The following SYT14 variants were observed in gnomAD, a reference collection of about 807,000 sequenced individuals.
SYT14 encodes the protein synaptotagmin-14.
A neutral mutation model predicts 74.2 loss-of-function variants in SYT14; 32 were observed. The ratio of observed to expected loss-of-function variants is 0.43; its 90% CI spans 0.33 to 0.58. SYT14 has a LOEUF of 0.58. SYT14 is among the 20% of genes least tolerant of loss of function. The pLI is 0.05. For synonymous variants in SYT14, 298 were observed against 337.7 expected, an observed-to-expected ratio of 0.88 and a Z score of 1.29; for missense variants, 791 against 981.8, an observed-to-expected ratio of 0.81 and a Z score of 2.60.
chr1:210,050,479 G>C (rs2080972262), intron 5 of SYT14, among the ~76,000 whole-genome samples: 2 of 152,232 alleles, frequency 1.3e-5, no homozygotes, highest in South Asian at 4.1e-4. Flanking sequence ...ACCTTTGCCT[G>C]TTACCCAGTT....
intron 5 of SYT14, among the ~76,000 whole-genome samples, chr1:210,078,076 C>G (rs536802470): frequency 2.6e-5 from 4 of 151,816 alleles, no homozygotes; most frequent in Admixed American, 6.5e-5. Context: ...TTTGGGAGGC[C>G]GAGGCGGGCG....
intron 6 of SYT14, among the ~76,000 whole-genome samples, chr1:210,095,716 TAG>T (rs2081956700): frequency 6.6e-6 from 1 of 152,228 alleles, no homozygotes; most frequent in Non-Finnish European, 1.5e-5. Flanking sequence ...AAGCTATGGA[TAG>T]AATTTCCTTA....
intron 2 of SYT14, among the ~76,000 whole-genome samples, chr1:210,000,466 G>GCACACGCACACACACACA (rs2079875022): frequency 1.4e-5 from 2 of 143,102 alleles, no homozygotes; most frequent in African/African-American, 5.3e-5. Flanking sequence ...GTCCTCATAC[G>GCACACGCACACACACACA]CACACACACA....
intron 5 of SYT14, among the ~76,000 whole-genome samples, chr1:210,029,179 T>G (rs904353715): frequency 6.6e-6 from 1 of 152,222 alleles, no homozygotes; most frequent in Non-Finnish European, 1.5e-5. Context: ...TAATCTCTTA[T>G]CAGATATATG....
chr1:210,116,964 G>A (rs1344418193), intron 7 of SYT14, among the ~76,000 whole-genome samples: 1 of 152,104 alleles, frequency 6.6e-6, no homozygotes, highest in Admixed American at 6.5e-5. Flanking sequence ...AACCTGGAAT[G>A]CAATAAGCAT....
intron 7 of SYT14, among the ~76,000 whole-genome samples, chr1:210,131,218 GT>G (rs1191377176): frequency 6.6e-6 from 1 of 152,092 alleles, no homozygotes; most frequent in African/African-American, 2.4e-5. Context: ...CATCACCGCT[GT>G]GACTGTCACC....
chr1:210,046,505 G>T (rs2080887911), intron 5 of SYT14, among the ~76,000 whole-genome samples: 1 of 151,994 alleles, frequency 6.6e-6, no homozygotes, highest in Admixed American at 6.5e-5. Flanking sequence ...ATTCAGATCT[G>T]CCATGCCTAT....
At chr1:210,057,511 C>T (rs1168292991) in intron 5 of SYT14, among the ~76,000 whole-genome samples, 1 of 152,166 alleles carries the variant, frequency 6.6e-6, no homozygotes, top group Non-Finnish European at 1.5e-5. Context: ...TGTACAGTAA[C>T]TTGTTTCACT....
At chr1:209,938,219 C>G (rs754027985) in exon 1 of SYT14, 2 of 1,515,692 alleles carry the variant, frequency 1.3e-6, no homozygotes, top group Non-Finnish European at 1.8e-6. Context: ...GCCCTCGCGT[C>G]TGCTGCCCCC....
chr1:209,978,475 G>A (rs1572101507), intron 2 of SYT14, among the ~76,000 whole-genome samples: 1 of 152,112 alleles, frequency 6.6e-6, no homozygotes, highest in African/African-American at 2.4e-5. Flanking sequence ...GTCCACTCCA[G>A]ACCCTGTTTG....
At chr1:210,012,097 A>G (rs2080095560) in intron 2 of SYT14, among the ~76,000 whole-genome samples, 1 of 152,160 alleles carries the variant, frequency 6.6e-6, no homozygotes, top group Non-Finnish European at 1.5e-5. Flanking sequence ...CTGGAATATA[A>G]TGTGATTTTC....
chr1:210,118,403 T>C (rs937967904), intron 7 of SYT14, among the ~76,000 whole-genome samples: 2 of 152,102 alleles, frequency 1.3e-5, no homozygotes, highest in Admixed American at 1.3e-4. Flanking sequence ...TATGAAATTA[T>C]ATATATTTAA....
chr1:210,036,627 G>T (rs1421017455), intron 5 of SYT14, among the ~76,000 whole-genome samples: 2 of 151,938 alleles, frequency 1.3e-5, no homozygotes, highest in Non-Finnish European at 2.9e-5. Context: ...TTTGTTGAGA[G>T]ATTTTATCAT....
rs556297967 is a variant in SYT14 at position 210,066,782 on chromosome 1, G to C, written c.1313-27540G>C. On this transcript the variant is annotated intron_variant, in intron 5 of 9. Coordinates refer to ENST00000637265, the Ensembl canonical transcript of SYT14. ...TTGTAGGTATGTCTTTATTAGCAGCGTGAGAACGGACTAATACAGTGCTCA... is the reference window on the plus strand; with the variant it reads ...TTGTAGGTATGTCTTTATTAGCAGCCTGAGAACGGACTAATACAGTGCTCA... Among the ~76,000 whole-genome samples the C allele has an allele frequency of 5.3e-4, 81 of 152,012 alleles. 1 individual carries two copies. Among genetic ancestry groups the C allele is most frequent in the African/African-American group, 1.6e-3 (68 of 41,492 alleles).
At chr1:210,029,286 T>C (rs1273589534) in intron 5 of SYT14, among the ~76,000 whole-genome samples, 1 of 150,836 alleles carries the variant, frequency 6.6e-6, no homozygotes, top group East Asian at 1.9e-4. Flanking sequence ...TGAAATCCAC[T>C]TTTTGTATTT....
intron 5 of SYT14, among the ~76,000 whole-genome samples, chr1:210,090,529 G>A (rs1485850256): frequency 6.6e-6 from 1 of 152,068 alleles, no homozygotes; most frequent in Admixed American, 6.6e-5. Context: ...TTGTTTTGTA[G>A]GTGCTATGCA....
intron 7 of SYT14, among the ~76,000 whole-genome samples, chr1:210,126,000 C>A (rs901216500): frequency 4.6e-5 from 7 of 152,182 alleles, no homozygotes; most frequent in Admixed American, 3.3e-4. Flanking sequence ...GTCAGGAGAT[C>A]GAGATCATCC....
chr1:209,976,798 A>T (rs895022645), intron 2 of SYT14, among the ~76,000 whole-genome samples: 4 of 152,146 alleles, frequency 2.6e-5, no homozygotes, highest in Non-Finnish European at 1.5e-5. Flanking sequence ...TAATGTTGAC[A>T]GTGGGGTGTT....
intron 8 of SYT14, among the ~76,000 whole-genome samples, chr1:210,156,601 A>G (rs1393882626): frequency 6.9e-6 from 1 of 144,858 alleles, no homozygotes; most frequent in Non-Finnish European, 1.5e-5. Flanking sequence ...AGGGTAGGTT[A>G]TGGGAGGATA....
Sources: allele counts gnomAD v4.1 joint callset (sites outside exome capture counted in the v4.1 genomes callset), GRCh38; gene constraint gnomAD v4.1.1; transcripts MANE v1.5; gene names NCBI Gene and HGNC (gene_info 2026-07-23, HGNC 2026-07-21).